Variants in CLSTN2 observed in about 807,000 individuals in gnomAD.
The protein encoded by CLSTN2 is calsyntenin-2.
CLSTN2 carries 48 observed loss-of-function variants against 101.2 expected under a neutral mutation model. That is an observed-to-expected ratio of 0.47 (90% CI 0.38 to 0.60). The LOEUF is 0.60. Ranked by LOEUF, CLSTN2 falls within the 20% of genes least tolerant of loss-of-function variation. CLSTN2 has a pLI of 0.00. For missense variants in CLSTN2, 1,160 were observed against 1,238.2 expected (o/e 0.94, Z 0.95); for synonymous variants, 481 against 463.6 (o/e 1.04, Z -0.48).
At chr3:140,363,236 A>G (rs1298076087) in intron 2 of CLSTN2, among the ~76,000 whole-genome samples, 5 of 152,248 alleles carry the variant, frequency 3.3e-5, no homozygotes, top group Non-Finnish European at 1.5e-5. Context: ...AGTAGACTAC[A>G]TATTGTATGA....
intron 2 of CLSTN2, among the ~76,000 whole-genome samples, chr3:140,362,515 T>A (rs1337576784): frequency 1.3e-5 from 2 of 152,094 alleles, no homozygotes; most frequent in African/African-American, 4.8e-5. Context: ...GCATTAAGAA[T>A]GTAAAAAGAT....
intron 10 of CLSTN2, among the ~76,000 whole-genome samples, chr3:140,554,166 C>T (rs1335599425): frequency 6.6e-6 from 1 of 152,052 alleles, no homozygotes; most frequent in Admixed American, 6.5e-5. Context: ...ATGAGAGAAG[C>T]TGGGAGGCCT....
chr3:140,485,812 G>A (rs1934229118), intron 8 of CLSTN2, among the ~76,000 whole-genome samples: 1 of 152,144 alleles, frequency 6.6e-6, no homozygotes. Flanking sequence ...GAAAAGCACA[G>A]TAGTATTAGG....
At chr3:140,545,718 T>C (rs934175101) in intron 9 of CLSTN2, among the ~76,000 whole-genome samples, 119 of 152,244 alleles carry the variant, frequency 7.8e-4, no homozygotes, top group Admixed American at 2.9e-3. Context: ...CAAGCTGGCA[T>C]GGCAACACAA....
At chr3:140,380,974 C>A (rs926807568) in intron 2 of CLSTN2, among the ~76,000 whole-genome samples, 2 of 152,218 alleles carry the variant, frequency 1.3e-5, no homozygotes, top group African/African-American at 4.8e-5. Context: ...GCTGCCATAA[C>A]AAAGTACCAA....
chr3:139,999,073 T>C (rs2006759900), intron 1 of CLSTN2, among the ~76,000 whole-genome samples: 1 of 152,160 alleles, frequency 6.6e-6, no homozygotes, highest in Non-Finnish European at 1.5e-5. Context: ...AGCAGACACA[T>C]TGCTGGTGCC....
intron 2 of CLSTN2, among the ~76,000 whole-genome samples, chr3:140,288,136 G>GC (rs1559829603): frequency 1.3e-5 from 2 of 149,916 alleles, no homozygotes; most frequent in Non-Finnish European, 3.0e-5. Context: ...CCGGCGGGGG[G>GC]GGTCAGAAAT....
At chr3:140,465,289 A>T (rs915499191) in intron 7 of CLSTN2, among the ~76,000 whole-genome samples, 8 of 152,174 alleles carry the variant, frequency 5.3e-5, no homozygotes, top group Non-Finnish European at 7.3e-5. Context: ...TACATTAGCA[A>T]ATATGGCCGC....
chr3:140,223,950 G>C (rs1366988789), intron 2 of CLSTN2, among the ~76,000 whole-genome samples: 1 of 152,136 alleles, frequency 6.6e-6, no homozygotes, highest in Non-Finnish European at 1.5e-5. Context: ...CCTCTGTAGT[G>C]AAGAAGGTTC....
intron 8 of CLSTN2, among the ~76,000 whole-genome samples, chr3:140,524,531 C>T (rs532002685): frequency 6.6e-6 from 1 of 152,206 alleles, no homozygotes; most frequent in Non-Finnish European, 1.5e-5. Flanking sequence ...TTAGTCAGAT[C>T]ATTGAGGCAG....
Position 140,348,796 on chromosome 3 carries a change from G to T in CLSTN2, c.233-54833G>T, listed in dbSNP as rs917993755. ...ACTGGAGGAAATTCCTTCCCCGAAG[G>T]TTCCACTGTGTCAAAGATACACATC... is the stretch of plus-strand genomic sequence containing the variant. On this transcript the variant is annotated intron_variant, in intron 2 of 16. Coordinates refer to ENST00000458420, the MANE Select transcript of CLSTN2 (RefSeq NM_022131.3). Among the ~76,000 whole-genome samples, 5 of 152,250 alleles carry T rather than the reference G, an allele frequency of 3.3e-5. No individual in the cohort carries two copies. The South Asian group carries it at 6.2e-4, about 19-fold the overall frequency.
Position 140,396,884 on chromosome 3 carries a change from G to A in CLSTN2, c.233-6745G>A, listed in dbSNP as rs1410579277. On this transcript the variant is annotated intron_variant, in intron 2 of 16. Transcript: ENST00000458420. ...TATGAGCTGGGGGGACACTATTATT[G>A]GTAAATTGTAAAAACAGCAGTTCTC... 3.3e-5 allele frequency among the ~76,000 whole-genome samples: 5 copies of A among 152,148 alleles called. No individual in the cohort carries two copies. The East Asian group carries it at 9.6e-4, about 29-fold the overall frequency.
intron 2 of CLSTN2, among the ~76,000 whole-genome samples, chr3:140,400,676 G>A (rs978749879): frequency 6.6e-6 from 1 of 152,046 alleles, no homozygotes; most frequent in African/African-American, 2.4e-5. Context: ...TCCAGCCTGG[G>A]TGACAAACCA....
At chr3:140,026,619 C>T (rs530276429) in intron 1 of CLSTN2, among the ~76,000 whole-genome samples, 7 of 152,282 alleles carry the variant, frequency 4.6e-5, no homozygotes, top group Admixed American at 4.6e-4. Flanking sequence ...CAGAAGTTCC[C>T]GCCCCTCAGG....
chr3:140,455,449 T>C (rs1206489635), intron 6 of CLSTN2, among the ~76,000 whole-genome samples: 1 of 152,232 alleles, frequency 6.6e-6, no homozygotes, highest in Non-Finnish European at 1.5e-5. Context: ...TGTATCACAG[T>C]GTGCCCTGAA....
intron 1 of CLSTN2, among the ~76,000 whole-genome samples, chr3:139,961,768 TAAC>T (rs1021629402): frequency 5.3e-5 from 8 of 152,182 alleles, no homozygotes; most frequent in Non-Finnish European, 1.2e-4. Flanking sequence ...TTAAAAATAG[TAAC>T]AACATTTTAA....
intron 2 of CLSTN2, among the ~76,000 whole-genome samples, chr3:140,188,695 TG>T (rs1373633770): frequency 7.4e-4 from 113 of 152,326 alleles, no homozygotes; most frequent in African/African-American, 2.5e-3. Flanking sequence ...TTAAGAAAGT[TG>T]TTTTTTAAAA....
intron 8 of CLSTN2, among the ~76,000 whole-genome samples, chr3:140,468,162 G>A (rs1576584854): frequency 6.6e-6 from 1 of 152,186 alleles, no homozygotes; most frequent in South Asian, 2.1e-4. Flanking sequence ...TCTTGACATT[G>A]TTTATTTTAT....
intron 1 of CLSTN2, among the ~76,000 whole-genome samples, chr3:140,125,611 T>G (rs4683805): frequency 0.75 from 113,323 of 151,864 alleles, 42,393 homozygotes; most frequent in Admixed American, 0.83. Context: ...AGGTGTGAAC[T>G]AATCACATGG....
Sources: gnomAD v4.1 joint callset for allele counts (sites outside exome capture counted in the v4.1 genomes callset) on GRCh38, gnomAD v4.1.1 for gene constraint, MANE v1.5 for transcripts, NCBI Gene and HGNC (gene_info 2026-07-23, HGNC 2026-07-21) for gene names.